The following ELOVL6 variants were observed in gnomAD, a reference collection of about 807,000 sequenced individuals.
ELOVL6 encodes the protein very long chain fatty acid elongase 6.
Under a neutral mutation model 31.7 loss-of-function variants are expected in ELOVL6, and 8 were observed. The ratio of observed to expected loss-of-function variants is 0.25; its 90% CI spans 0.15 to 0.45. ELOVL6 has a LOEUF of 0.45. Ranked by LOEUF, ELOVL6 falls within the 20% of genes least tolerant of loss-of-function variation. ELOVL6 has a pLI of 1.00. For synonymous variants in ELOVL6, 101 were observed against 117.7 expected (o/e 0.86, Z 0.92); for missense variants, 126 against 326.4 (o/e 0.39, Z 4.73).
intron 2 of ELOVL6, among the ~76,000 whole-genome samples, chr4:110,072,582 ATGGGCCACCCTCCAAATGTGCCACAC>A (rs150327204): frequency 0.25 from 37,293 of 152,080 alleles, 4,749 homozygotes; most frequent in African/African-American, 0.28. Context: ...TGGTGCCCAG[ATGGGCCACCCTCCAAATGTGCCACAC>A]TGGCAACAGT....
intron 1 of ELOVL6, among the ~76,000 whole-genome samples, chr4:110,162,518 CT>C (rs1241202301): frequency 1.6e-4 from 25 of 151,894 alleles, no homozygotes; most frequent in Non-Finnish European, 2.2e-4. Context: ...AATTTTTTTT[CT>C]ATTTTTTGGA....
intron 3 of ELOVL6, among the ~76,000 whole-genome samples, chr4:110,058,777 G>GA (rs993378004): frequency 6.6e-6 from 1 of 151,694 alleles, no homozygotes; most frequent in Non-Finnish European, 1.5e-5. Context: ...AATTGCAGGT[G>GA]AAAAAAAACC....
intron 2 of ELOVL6, among the ~76,000 whole-genome samples, chr4:110,084,440 G>GATATATCACATATATCAT (rs1203410388): frequency 1.2e-5 from 1 of 80,490 alleles, no homozygotes; most frequent in Non-Finnish European, 2.4e-5. Flanking sequence ...TATCATATAT[G>GATATATCACATATATCAT]ATATATCGCA....
chr4:110,108,576 G>A (rs1263830700), intron 1 of ELOVL6, among the ~76,000 whole-genome samples: 1 of 152,198 alleles, frequency 6.6e-6, no homozygotes, highest in Non-Finnish European at 1.5e-5. Context: ...ATAATTGCAA[G>A]CAAGGAACCT....
chr4:110,084,425 ACATATAT>A (rs762631003), intron 2 of ELOVL6, among the ~76,000 whole-genome samples: 1 of 63,664 alleles, frequency 1.6e-5, no homozygotes, highest in African/African-American at 1.2e-4. Context: ...ATGATATATC[ACATATAT>A]CATATATGAT....
At chr4:110,179,192 T>C (rs990434979) in intron 1 of ELOVL6, among the ~76,000 whole-genome samples, 3 of 152,122 alleles carry the variant, frequency 2.0e-5, no homozygotes, top group African/African-American at 7.2e-5. Flanking sequence ...AAAATACATG[T>C]ATGTAAACTT....
chr4:110,141,162 C>G (rs1757942887), intron 1 of ELOVL6, among the ~76,000 whole-genome samples: 1 of 152,098 alleles, frequency 6.6e-6, no homozygotes, highest in African/African-American at 2.4e-5. Context: ...CTCCCGGGTT[C>G]AAGTGATTCT....
rs184859073 is a variant in ELOVL6 at position 110,188,840 on chromosome 4, G to A, written c.89+9407C>T. 3.9e-3 allele frequency among the ~76,000 whole-genome samples: 585 copies of A among 148,934 alleles called. 3 individuals carry two copies. The highest frequency in any genetic ancestry group is 7.4e-3 in the Middle Eastern group (2 of 272). ...TGGGAGGCAGAGGTTGCGGTGAGTCGAGATCATGCCATTGCACTCCACTGG... is the reference window on the plus strand; with the variant it reads ...TGGGAGGCAGAGGTTGCGGTGAGTCAAGATCATGCCATTGCACTCCACTGG... On this transcript the variant is annotated intron_variant, in intron 1 of 3. Coordinates refer to ENST00000302274, the MANE Select transcript of ELOVL6 (RefSeq NM_024090.3).
chr4:110,084,200 G>GATATATATATAACATATAACTTATATGAT, intron 2 of ELOVL6, among the ~76,000 whole-genome samples: 1 of 66,280 alleles, frequency 1.5e-5, no homozygotes, highest in Non-Finnish European at 2.7e-5. Flanking sequence ...TAACTTATAT[G>GATATATATATAACATATAACTTATATGAT]ATATATATAA....
intron 1 of ELOVL6, among the ~76,000 whole-genome samples, chr4:110,168,836 C>T (rs1758855210): frequency 6.6e-6 from 1 of 152,166 alleles, no homozygotes; most frequent in Admixed American, 6.5e-5. Context: ...CATGCCCAAT[C>T]ACAAAGCCTA....
chr4:110,132,221 C>A (rs1189999630), intron 1 of ELOVL6, among the ~76,000 whole-genome samples: 1 of 151,984 alleles, frequency 6.6e-6, no homozygotes, highest in African/African-American at 2.4e-5. Context: ...TTGTAGAAAG[C>A]CCGCTTGGCA....
In ELOVL6 at chr4:110,084,563, GATAT is replaced by G. The variant is rs1553956219; in HGVS notation, c.221+20930_221+20933del. Among the ~76,000 whole-genome samples, 439 of 44,502 alleles carry G rather than the reference GATAT, an allele frequency of 9.9e-3. 12 individuals are homozygous for G. Among genetic ancestry groups the G allele is most frequent in the East Asian group, 0.035 (39 of 1,124 alleles). 29.2% of individuals were successfully genotyped at this position (44,502 alleles called of 152,430 possible). ...ACACACACACACACACACACACACA[GATAT>G]ATATATATATATATATATATATTTT... is the stretch of plus-strand genomic sequence containing the variant. On this transcript the variant is annotated intron_variant, in intron 2 of 3. Transcript: ENST00000302274.
chr4:110,080,242 G>A (rs1578461232), intron 2 of ELOVL6, among the ~76,000 whole-genome samples: 1 of 152,316 alleles, frequency 6.6e-6, no homozygotes, highest in South Asian at 2.1e-4. Context: ...CTCATTTTAT[G>A]AGGCCAGCAT....
chr4:110,198,598 A>G lies in ELOVL6; in HGVS notation c.-263T>C. 2.4e-6 allele frequency: 1 copy of G among 418,236 alleles called. No homozygotes were observed. The highest frequency in any genetic ancestry group is 4.3e-6 in the Non-Finnish European group (1 of 233,886). 25.9% of individuals were successfully genotyped at this position (418,236 alleles called of 1,614,324 possible). On this transcript the variant is annotated 5_prime_UTR_variant, in exon 1 of 4. Coordinates refer to ENST00000302274, the MANE Select transcript of ELOVL6 (RefSeq NM_024090.3). ...CCGCATCCACCGTAGGAGGAAATGA[A>G]TGCCTTGCGGTCTTAGTGCCCGCAC... is the stretch of plus-strand genomic sequence containing the variant.
chr4:110,066,321 T>C (rs1755298424), intron 2 of ELOVL6, among the ~76,000 whole-genome samples: 1 of 152,048 alleles, frequency 6.6e-6, no homozygotes, highest in South Asian at 2.1e-4. Context: ...GATATAGGAT[T>C]ACAGTGCCTG....
chr4:110,076,954 G>A (rs1013406660), intron 2 of ELOVL6, among the ~76,000 whole-genome samples: 14 of 152,182 alleles, frequency 9.2e-5, no homozygotes, highest in Admixed American at 5.9e-4. Context: ...TGACTGGCTC[G>A]GAGGGTCCTA....
chr4:110,134,486 G>A (rs1470888768), intron 1 of ELOVL6, among the ~76,000 whole-genome samples: 1 of 152,116 alleles, frequency 6.6e-6, no homozygotes. Flanking sequence ...AGCTGATAGT[G>A]GGATCATTTC....
chr4:110,141,415 C>T (rs1757953108), intron 1 of ELOVL6, among the ~76,000 whole-genome samples: 1 of 152,040 alleles, frequency 6.6e-6, no homozygotes, highest in Non-Finnish European at 1.5e-5. Context: ...TGGCCCCATA[C>T]ATCTGAAGGA....
At chr4:110,156,282 A>T (rs1261291190) in intron 1 of ELOVL6, among the ~76,000 whole-genome samples, 1 of 152,164 alleles carries the variant, frequency 6.6e-6, no homozygotes, top group Non-Finnish European at 1.5e-5. Context: ...TAGAATTAGG[A>T]TGTGATTCTC....
Sources: gnomAD v4.1 joint callset for allele counts (sites outside exome capture counted in the v4.1 genomes callset) on GRCh38, gnomAD v4.1.1 for gene constraint, MANE v1.5 for transcripts, NCBI Gene and HGNC (gene_info 2026-07-23, HGNC 2026-07-21) for gene names.